The following FRMPD4 variants were observed in gnomAD, a reference collection of about 807,000 sequenced individuals.
FRMPD4 encodes the protein FERM and PDZ domain containing 4.
Under a neutral mutation model 94.1 loss-of-function variants are expected in FRMPD4, and 22 were observed. That is an observed-to-expected ratio of 0.23 (90% CI 0.17 to 0.33). The LOEUF is 0.33. Among genes scored for constraint, FRMPD4 ranks in the 10% least tolerant of loss-of-function variants. The probability of loss-of-function intolerance (pLI) is 1.00; values close to 1 mark genes in which losing one functional copy is unlikely to be tolerated. For synonymous variants in FRMPD4, 631 were observed against 548.6 expected, an observed-to-expected ratio of 1.15 and a Z score of -2.10; for missense variants, 1,111 against 1,339.9, an observed-to-expected ratio of 0.83 and a Z score of 2.67.
At chrX:12,008,569 A>G (rs1290797467) in intron 3 of FRMPD4, among the ~76,000 whole-genome samples, 2 of 112,918 alleles carry the variant, frequency 1.8e-5, no homozygotes, top group African/African-American at 3.2e-5. Flanking sequence ...ATAAACAAAT[A>G]CACAGATAAG....
intron 1 of FRMPD4, among the ~76,000 whole-genome samples, chrX:12,300,267 G>A (rs949713560): frequency 1.8e-5 from 2 of 111,749 alleles, no homozygotes; most frequent in African/African-American, 6.5e-5. Context: ...AGGTGGGAAG[G>A]GCATTCTCTG....
At chrX:12,218,097 T>C (rs944253255) in intron 1 of FRMPD4, among the ~76,000 whole-genome samples, 4 of 111,834 alleles carry the variant, frequency 3.6e-5, no homozygotes, top group Non-Finnish European at 7.5e-5. Context: ...TGGTCATTAG[T>C]GTTCATTAAC....
At chrX:12,387,993 G>T (rs1386556699) in intron 1 of FRMPD4, among the ~76,000 whole-genome samples, 5 of 96,357 alleles carry the variant, frequency 5.2e-5, no homozygotes, top group African/African-American at 1.9e-4. Flanking sequence ...AAAAAAAAAA[G>T]TAGTATAGTT....
intron 2 of FRMPD4, among the ~76,000 whole-genome samples, chrX:12,542,450 G>A (rs368771262): frequency 4.5e-4 from 50 of 110,850 alleles, no homozygotes; most frequent in Non-Finnish European, 2.9e-4. Flanking sequence ...AATAACAAAC[G>A]GAGAGCCAAA....
At chrX:11,852,442 C>CAAA (rs374590200) in intron 1 of FRMPD4, among the ~76,000 whole-genome samples, 35 of 52,602 alleles carry the variant, frequency 6.7e-4, no homozygotes, top group African/African-American at 2.3e-3. Context: ...ACCCTGTCTC[C>CAAA]AAAAAAAAAA....
chrX:12,180,115 T>C (rs1471891205), intron 1 of FRMPD4, among the ~76,000 whole-genome samples: 1 of 111,441 alleles, frequency 9.0e-6, no homozygotes, highest in East Asian at 2.8e-4. Flanking sequence ...CACTATTCCT[T>C]AGTGGTCTGA....
chrX:12,150,707 A>C (rs1194798860), intron 1 of FRMPD4, among the ~76,000 whole-genome samples: 2 of 111,969 alleles, frequency 1.8e-5, no homozygotes, highest in Non-Finnish European at 3.8e-5. Flanking sequence ...GTATTGTAAA[A>C]TATTACTGTT....
upstream of FRMPD4, among the ~76,000 whole-genome samples, chrX:12,134,704 T>C (rs1195054854): frequency 1.8e-5 from 2 of 112,356 alleles, no homozygotes; most frequent in Non-Finnish European, 3.8e-5. Context: ...CTTTAGTAAC[T>C]GCCCAGGCAA....
chrX:12,549,113 G>A (rs192505677), intron 2 of FRMPD4, among the ~76,000 whole-genome samples: 149 of 111,701 alleles, frequency 1.3e-3, no homozygotes, highest in Middle Eastern at 9.3e-3. Context: ...GATACAACTA[G>A]CAAAATGAGC....
chrX:12,163,189 G>A (rs752815519), intron 1 of FRMPD4, among the ~76,000 whole-genome samples: 54 of 110,765 alleles, frequency 4.9e-4, no homozygotes, highest in Admixed American at 8.6e-4. Flanking sequence ...TCCCCAGTAC[G>A]TGGGTAGCCT....
At position 12,401,303 on chromosome X, in the gene FRMPD4, T is replaced by C. The variant is rs184834868; in HGVS notation, c.42-97377T>C. ...TTCTCTCCCCTTCCCTCCTTTCTCC[T>C]TCCTTCTTTCCCTCCATCTCCTCCT... On this transcript the variant is annotated intron_variant, in intron 1 of 16. Coordinates refer to ENST00000675598, the MANE Select transcript of FRMPD4 (RefSeq NM_001368397.1). Among the ~76,000 whole-genome samples the C allele has an allele frequency of 7.3e-5, 8 of 110,162 alleles. No homozygotes were observed. In the East Asian group the frequency reaches 2.0e-3, roughly 28 times the overall value.
chrX:11,964,396 G>A (rs1231806020), intron 3 of FRMPD4, among the ~76,000 whole-genome samples: 2 of 110,544 alleles, frequency 1.8e-5, no homozygotes, highest in Non-Finnish European at 3.8e-5. Flanking sequence ...TCCTGACCTC[G>A]GCCTCCCAAA....
chrX:12,060,356 A>T (rs1336954777), intron 3 of FRMPD4, among the ~76,000 whole-genome samples: 1 of 102,049 alleles, frequency 9.8e-6, no homozygotes, highest in Non-Finnish European at 2.0e-5. Flanking sequence ...CATTTCTGTG[A>T]TGATTAATAT....
intron 3 of FRMPD4, among the ~76,000 whole-genome samples, chrX:11,979,115 C>T (rs1294887069): frequency 9.0e-6 from 1 of 111,647 alleles, no homozygotes; most frequent in East Asian, 2.8e-4. Context: ...AAGTCTCCTT[C>T]ATGCCACTCC....
intron 8 of FRMPD4, among the ~76,000 whole-genome samples, chrX:12,691,397 C>G (rs779881768): frequency 9.0e-6 from 1 of 111,043 alleles, no homozygotes; most frequent in African/African-American, 3.3e-5. Context: ...ATCCTTCCAC[C>G]TTAGCCTCCC....
At chrX:12,195,929 G>A (rs1319564172) in intron 1 of FRMPD4, among the ~76,000 whole-genome samples, 2 of 111,952 alleles carry the variant, frequency 1.8e-5, no homozygotes, top group African/African-American at 6.5e-5. Context: ...ATGACAGGTG[G>A]ACCTAAAGGG....
chrX:12,027,329 A>G (rs777821248), intron 3 of FRMPD4, among the ~76,000 whole-genome samples: 8 of 112,330 alleles, frequency 7.1e-5, no homozygotes, highest in African/African-American at 2.3e-4. Flanking sequence ...CATCAGTCCA[A>G]TGTATTCTTT....
intron 4 of FRMPD4, among the ~76,000 whole-genome samples, chrX:12,658,075 C>T (rs1487798677): frequency 2.7e-5 from 3 of 111,721 alleles, no homozygotes; most frequent in East Asian, 2.8e-4. Flanking sequence ...AAAAGTGGCT[C>T]GGTCATGATG....
intron 1 of FRMPD4, among the ~76,000 whole-genome samples, chrX:12,346,411 A>C (rs1359640055): frequency 1.8e-5 from 2 of 111,565 alleles, no homozygotes; most frequent in African/African-American, 6.5e-5. Context: ...GCTTAGAAAG[A>C]GTCCTGGGTT....
Sources: allele counts gnomAD v4.1 joint callset (sites outside exome capture counted in the v4.1 genomes callset), GRCh38; gene constraint gnomAD v4.1.1; transcripts MANE v1.5; gene names NCBI Gene and HGNC (gene_info 2026-07-23, HGNC 2026-07-21).